The following ORC1 variants were observed in gnomAD, a reference collection of about 807,000 sequenced individuals.
ORC1 encodes the protein origin recognition complex, subunit 1 homolog.
ORC1 carries 61 observed loss-of-function variants against 98.9 expected under a neutral mutation model. The ratio of observed to expected loss-of-function variants is 0.62; its 90% confidence interval spans 0.50 to 0.76. The LOEUF is 0.76. Among genes scored for constraint, ORC1 ranks in the 30% least tolerant of loss-of-function variants. The pLI is 0.00. For synonymous variants in ORC1, 385 were observed against 406.9 expected (o/e 0.95, Z 0.65); for missense variants, 979 against 1,072.2 (o/e 0.91, Z 1.21).
chr1:52,396,399 T>C lies in ORC1; in HGVS notation c.403-35A>G, dbSNP rs753440970. 40 of 1,613,668 alleles carry C rather than the reference T, an allele frequency of 2.5e-5. No individual in the cohort carries two copies. In the Middle Eastern group the frequency reaches 1.2e-3, roughly 47 times the overall value. ...GGAAGTATAGATAAGTAGGAAGAGA[T>C]GAGCCCCAAGAGAGCCAAGGAGTAT... On this transcript the variant is annotated intron_variant, in intron 4 of 16. Coordinates refer to ENST00000371568, the MANE Select transcript of ORC1 (RefSeq NM_004153.4).
In ORC1 at chr1:52,383,513, G is replaced by A; in HGVS notation, c.1920C>T (p.Pro640=). ...QDIMYNLFDW[P]THKEARLVVL... is the part of the protein sequence containing the mutation. ...CCACAAGCCGGGCCTCCTTATGAGT[G>A]GGCCAGTCAAAGAGATTGTACATTA... Residue 640 remains proline (P), a synonymous_variant, in exon 13 of 17, where the codon CCC becomes CCT. Transcript: ENST00000371568. 1 of 1,613,828 alleles carries A rather than the reference G, an allele frequency of 6.2e-7. No individual in the cohort carries two copies.
upstream of ORC1, chr1:52,404,678 T>G: frequency 6.5e-7 from 1 of 1,531,038 alleles, no homozygotes; most frequent in Non-Finnish European, 8.9e-7. Context: ...TCCATTCCTC[T>G]AGGTGCTTTT....
upstream of ORC1, chr1:52,405,983 ATTTTTTGTTTG>A (rs1230340431): frequency 5.8e-6 from 4 of 686,458 alleles, no homozygotes; most frequent in Admixed American, 2.9e-5. Flanking sequence ...TTGAGTTTGT[ATTTTTTGTTTG>A]TTTTTTGTTT....
At chr1:52,388,360 A>T (rs755854886) in intron 8 of ORC1, 82 bp downstream of exon 8, 19 of 1,099,400 alleles carry the variant, frequency 1.7e-5, no homozygotes, top group Non-Finnish European at 2.7e-5. Context: ...TCCAGCTGTT[A>T]CTAATCTGTG....
intron 4 of ORC1, 57 bp from the exon 5 acceptor site, chr1:52,396,421 G>T: frequency 6.2e-7 from 1 of 1,608,238 alleles, no homozygotes; most frequent in Non-Finnish European, 8.5e-7. Context: ...GAGCCAAGGA[G>T]TATTCCATCA....
At chr1:52,395,579 A>T (rs1206752232) in intron 5 of ORC1, among the ~76,000 whole-genome samples, 2 of 152,220 alleles carry the variant, frequency 1.3e-5, no homozygotes, top group African/African-American at 4.8e-5. Flanking sequence ...TTGGGAGGCC[A>T]AGGCGGGTGG....
rs1199481237 is a variant in ORC1, at chr1:52,389,250, A to G, written c.1154T>C (p.Val385Ala). The change falls in exon 7 of 17, where the codon GTC becomes GCC. Residue 385 changes from valine to alanine, a missense_variant. Val to Ala is a moderately conservative substitution (Grantham distance 64). Transcript: ENST00000371568. Reference protein sequence around the residue: ...TPHRIRRKSSVLTMNRIRQQL... With the variant: ...TPHRIRRKSSALTMNRIRQQL... Reference sequence around the variant, plus strand: ...CTGCCTAATCCGATTCATAGTCAAGACAGAACTCTTTCTGCGGATACGATG... The same window carrying G: ...CTGCCTAATCCGATTCATAGTCAAGGCAGAACTCTTTCTGCGGATACGATG... 1 of 1,614,028 alleles carries G rather than the reference A, an allele frequency of 6.2e-7. No individual in the cohort carries two copies.
At chr1:52,397,892 G>A (rs1647493111) in intron 3 of ORC1, 29 bp from the exon 4 acceptor site, 1 of 1,604,156 alleles carries the variant, frequency 6.2e-7, no homozygotes, top group Non-Finnish European at 8.5e-7. Flanking sequence ...AAAGGGAAAG[G>A]TTAAGACAAC....
At chr1:52,385,668 C>A (rs1647132578) in intron 9 of ORC1, among the ~76,000 whole-genome samples, 184 bp downstream of exon 9, 1 of 152,186 alleles carries the variant, frequency 6.6e-6, no homozygotes, top group African/African-American at 2.4e-5. Context: ...ACTGGCTAAC[C>A]CAGATGCTGC....
intron 13 of ORC1, 30 bp downstream of exon 13, chr1:52,383,390 G>T: frequency 6.2e-7 from 1 of 1,611,622 alleles, no homozygotes; most frequent in Non-Finnish European, 8.5e-7. Flanking sequence ...AGATCTGCAA[G>T]AACAGCATGG....
Position 52,393,740 on chromosome 1 carries a change from A to T in ORC1, c.785T>A (p.Ile262Lys). ...SCASLDSPGRIKRKVAFSEIT... is the reference protein window; with the variant it reads ...SCASLDSPGRKKRKVAFSEIT... ...CTCCGAGAAGGCCACTTTCCGTTTT[A>T]TTCTTCCTGGAGAATCCAAGGAGGC... Residue 262 changes from isoleucine (I) to lysine (K), a missense_variant, in exon 6 of 17, where the codon ATA (isoleucine) becomes AAA (lysine). Ile to Lys is a moderately radical substitution (Grantham distance 102). Transcript: ENST00000371568. 1 of 1,614,038 alleles carries T rather than the reference A, an allele frequency of 6.2e-7. No homozygotes were observed. Among genetic ancestry groups the T allele is most frequent in the East Asian group, 2.2e-5 (1 of 44,882 alleles).
chr1:52,401,554 T>C, intron 2 of ORC1, 65 bp from the exon 3 acceptor site: 3 of 1,588,770 alleles, frequency 1.9e-6, no homozygotes, highest in African/African-American at 1.3e-5. Flanking sequence ...TCAGATCCCC[T>C]GGGCACAAAG....
chr1:52,408,639 G>A (rs1648067663), upstream of ORC1: 3 of 1,614,038 alleles, frequency 1.9e-6, no homozygotes. Context: ...CAAGTACTTG[G>A]AACCTTTGTA....
Position 52,385,778 on chromosome 1 carries a change from G to A in ORC1, c.1481+74C>T, listed in dbSNP as rs1647134211. 5.2e-6 allele frequency: 5 copies of A among 970,210 alleles called. No homozygotes were observed. The East Asian group carries it at 7.3e-5, about 14-fold the overall frequency. 60.1% of individuals were successfully genotyped at this position (970,210 alleles called of 1,614,324 possible). On this transcript the variant is annotated intron_variant, in intron 9 of 16. Coordinates refer to ENST00000371568, the MANE Select transcript of ORC1 (RefSeq NM_004153.4). ...ACCTTTATTAGGTAGACCAGTGACTGCTAATTTTATGTGAATGAAAGCAGA... is the reference window on the plus strand; with the variant it reads ...ACCTTTATTAGGTAGACCAGTGACTACTAATTTTATGTGAATGAAAGCAGA...
At chr1:52,408,118 G>A (rs1189355656), upstream of ORC1, among the ~76,000 whole-genome samples, 2 of 151,530 alleles carry the variant, frequency 1.3e-5, no homozygotes, top group African/African-American at 2.4e-5. Context: ...GCGGGCGCCT[G>A]TAATCCTCGC....
chr1:52,393,723 A>G lies in ORC1; in HGVS notation c.802T>C (p.Phe268Leu). 1 of 1,614,058 alleles carries G rather than the reference A, an allele frequency of 6.2e-7. No individual in the cohort carries two copies. Among genetic ancestry groups the G allele is most frequent in the Non-Finnish European group, 8.5e-7 (1 of 1,179,992 alleles). Residue 268 changes from phenylalanine to leucine, a missense_variant, in exon 6 of 17, where the codon TTC becomes CTC. Transcript: ENST00000371568. ...SPGRIKRKVA[F>L]SEITSPSKRS... is the part of the protein sequence containing the mutation. ...TTAGAAGGTGAGGTGATCTCCGAGAAGGCCACTTTCCGTTTTATTCTTCCT... is the reference window on the plus strand; with the variant it reads ...TTAGAAGGTGAGGTGATCTCCGAGAGGGCCACTTTCCGTTTTATTCTTCCT...
At chr1:52,391,218 A>C (rs955498403) in intron 6 of ORC1, among the ~76,000 whole-genome samples, 2 of 151,462 alleles carry the variant, frequency 1.3e-5, no homozygotes, top group African/African-American at 4.9e-5. Flanking sequence ...CTGAGGCAGA[A>C]GAATTGCTTG....
intron 14 of ORC1, among the ~76,000 whole-genome samples, chr1:52,375,960 C>T (rs1414276264): frequency 1.3e-5 from 2 of 152,192 alleles, no homozygotes; most frequent in Non-Finnish European, 2.9e-5. Context: ...AGCAGCCAGC[C>T]AAAGACAAGA....
chr1:52,398,227 G>T (rs1202766195), intron 3 of ORC1, among the ~76,000 whole-genome samples: 1 of 150,448 alleles, frequency 6.6e-6, no homozygotes, highest in Non-Finnish European at 1.5e-5. Context: ...GCCTCCCAAA[G>T]TGCTGGAATT....
Sources: gnomAD v4.1 joint callset for allele counts (sites outside exome capture counted in the v4.1 genomes callset) on GRCh38, gnomAD v4.1.1 for gene constraint, MANE v1.5 for transcripts, NCBI Gene and HGNC (gene_info 2026-07-23, HGNC 2026-07-21) for gene names.